The following ECPAS variants were observed in gnomAD, a reference collection of about 807,000 sequenced individuals.
ECPAS encodes the protein Ecm29 proteasome adaptor and scaffold, also known as proteasome adapter and scaffold protein ECM29.
A neutral mutation model predicts 255.1 loss-of-function variants in ECPAS; 70 were observed. The observed-to-expected ratio is 0.27, with a 90% CI of 0.23 to 0.33. ECPAS has a LOEUF of 0.33. ECPAS is among the 10% of genes least tolerant of loss of function. The probability of loss-of-function intolerance (pLI) is 1.00; values close to 1 mark genes in which losing one functional copy is unlikely to be tolerated. For synonymous variants in ECPAS, 784 were observed against 775.0 expected, an observed-to-expected ratio of 1.01 and a Z score of -0.19; for missense variants, 1,817 against 2,206.4, an observed-to-expected ratio of 0.82 and a Z score of 3.54.
chr9:111,480,730 C>T (rs1368950499), intron 1 of ECPAS, among the ~76,000 whole-genome samples: 2 of 152,206 alleles, frequency 1.3e-5, no homozygotes, highest in Non-Finnish European at 1.5e-5. Context: ...TCAACTGCAA[C>T]GTATTCAGTC....
chr9:111,476,574 ATTTTTTTT>A (rs58723893), intron 1 of ECPAS, among the ~76,000 whole-genome samples: 1 of 105,944 alleles, frequency 9.4e-6, no homozygotes, highest in African/African-American at 3.8e-5. Flanking sequence ...TAACATCAGA[ATTTTTTTT>A]TTTTTTTTTT....
At chr9:111,460,099 G>A (rs918038305) in intron 2 of ECPAS, among the ~76,000 whole-genome samples, 2 of 152,038 alleles carry the variant, frequency 1.3e-5, no homozygotes, top group Non-Finnish European at 1.5e-5. Flanking sequence ...CAAATCCAGC[G>A]ATACATAAAA....
intron 2 of ECPAS, among the ~76,000 whole-genome samples, chr9:111,470,139 A>T (rs1049801885): frequency 6.6e-6 from 1 of 151,834 alleles, no homozygotes; most frequent in African/African-American, 2.4e-5. Flanking sequence ...TTTGCTAGTA[A>T]CTCTGCCCAC....
chr9:111,456,123 T>C (rs767319039), intron 2 of ECPAS, among the ~76,000 whole-genome samples: 22 of 152,364 alleles, frequency 1.4e-4, no homozygotes, highest in Non-Finnish European at 3.2e-4. Context: ...GGTGGGTTTT[T>C]AAAATCTTCT....
At chr9:111,400,565 G>A (rs1415908694) in intron 24 of ECPAS, among the ~76,000 whole-genome samples, 1 of 152,094 alleles carries the variant, frequency 6.6e-6, no homozygotes, top group Non-Finnish European at 1.5e-5. Flanking sequence ...AAACTTATAA[G>A]AGAAATTTAG....
chr9:111,431,217 G>T (rs142126595), intron 8 of ECPAS, among the ~76,000 whole-genome samples: 1 of 152,260 alleles, frequency 6.6e-6, no homozygotes, highest in East Asian at 1.9e-4. Flanking sequence ...CAGTCACTAA[G>T]ACTTAATTCT....
Position 111,449,724 on chromosome 9 carries a change from C to T in ECPAS, c.153+1701G>A, listed in dbSNP as rs2131953188. Reference sequence around the variant, plus strand: ...TCCAGGTCTCCACTCTTGGCCCCTACTCCAAGTCTTTCTCCAGCCAACAGC... The same window carrying T: ...TCCAGGTCTCCACTCTTGGCCCCTATTCCAAGTCTTTCTCCAGCCAACAGC... On this transcript the variant is annotated intron_variant, in intron 3 of 49. Coordinates refer to ENST00000684092, the MANE Select transcript of ECPAS (RefSeq NM_001364929.1). Among the ~76,000 whole-genome samples the T allele has an allele frequency of 2.0e-5, 3 of 152,316 alleles. 1 individual carries two copies. In the Middle Eastern group the frequency reaches 0.01, roughly 518 times the overall value.
intron 2 of ECPAS, among the ~76,000 whole-genome samples, chr9:111,468,365 G>A (rs1001734318): frequency 2.0e-5 from 3 of 152,150 alleles, no homozygotes; most frequent in African/African-American, 7.2e-5. Context: ...ACCCTAGACA[G>A]TCCAATGCTC....
At chr9:111,483,886 T>C (rs1361866880) in intron 1 of ECPAS, 1 of 528,332 alleles carries the variant, frequency 1.9e-6, no homozygotes, top group Non-Finnish European at 2.4e-6. Flanking sequence ...CACGCCGGTT[T>C]TATATTTAGA....
intron 10 of ECPAS, among the ~76,000 whole-genome samples, chr9:111,426,101 G>A (rs2098221167): frequency 6.6e-6 from 1 of 152,200 alleles, no homozygotes; most frequent in South Asian, 2.1e-4. Flanking sequence ...ACTGCAGTGG[G>A]TCACCACTCA....
At chr9:111,402,121 T>G (rs1322283234) in intron 24 of ECPAS, among the ~76,000 whole-genome samples, 1 of 152,250 alleles carries the variant, frequency 6.6e-6, no homozygotes, top group Admixed American at 6.5e-5. Context: ...GTTCAGAGAC[T>G]GCAGTAAAGA....
In ECPAS at chr9:111,391,769, T is replaced by G; in HGVS notation, c.3148A>C (p.Lys1050Gln). ...TVVFQGGALG[K>Q]TPDGQGLSTY... ...TAGCATACTTACCCATCTGGTGTTT[T>G]GCCAAGAGCTCCCCCTTGAAATACC... Residue 1050 changes from lysine (K) to glutamine (Q), a missense_variant, in exon 29 of 50, where the codon AAA (lysine) becomes CAA (glutamine). Physicochemically the swap from Lys to Gln is moderately conservative, Grantham distance 53. Around this residue, in one of 4 missense-constraint regions of ECPAS, gnomAD observed 960 missense variants for 1,179.0 expected, o/e 0.81. Transcript: ENST00000684092. The G allele has an allele frequency of 6.2e-7, 1 of 1,606,044 alleles. No individual in the cohort carries two copies. The highest frequency in any genetic ancestry group is 8.5e-7 in the Non-Finnish European group (1 of 1,173,982).
intron 2 of ECPAS, among the ~76,000 whole-genome samples, chr9:111,464,393 G>A (rs2098276760): frequency 1.3e-5 from 2 of 149,156 alleles, no homozygotes. Flanking sequence ...TCGTGTCCCT[G>A]CACTCCAGCA....
chr9:111,418,149 T>G, intron 16 of ECPAS, 143 bp from the exon 17 acceptor site: 1 of 712,966 alleles, frequency 1.4e-6, no homozygotes. Flanking sequence ...CTAAGCAGAG[T>G]CAACATAACA....
Position 111,420,071 on chromosome 9 carries a change from A to C in ECPAS, c.1505T>G (p.Phe502Cys). ...QVAVKFASTV[F>C]PSDHIPSRYL... ...TCTGGAAGGGATATGATCTGAGGGA[A>C]ACACCGTACTGGCAAATTTCACAGC... Residue 502 changes from phenylalanine (F) to cysteine (C), a missense_variant, in exon 16 of 50, where the codon TTT (phenylalanine) becomes TGT (cysteine). Physicochemically the swap from Phe to Cys is radical, Grantham distance 205. Around this residue, in one of 4 missense-constraint regions of ECPAS, gnomAD observed 573 missense variants for 716.2 expected, o/e 0.80. Transcript: ENST00000684092. 1 of 1,613,146 alleles carries C rather than the reference A, an allele frequency of 6.2e-7. No individual in the cohort carries two copies. The highest frequency in any genetic ancestry group is 1.3e-5 in the African/African-American group (1 of 74,934).
At chr9:111,423,409 GAAC>G (rs1237292755) in intron 12 of ECPAS, among the ~76,000 whole-genome samples, 161 bp from the exon 13 acceptor site, 1 of 152,252 alleles carries the variant, frequency 6.6e-6, no homozygotes, top group East Asian at 1.9e-4. Flanking sequence ...GTTAGCACCT[GAAC>G]AACAACAAAA....
At chr9:111,442,521 CAA>C in intron 4 of ECPAS, 97 bp from the exon 5 acceptor site, 1 of 792,370 alleles carries the variant, frequency 1.3e-6, no homozygotes, top group African/African-American at 1.8e-5. Context: ...ATGGTTACAA[CAA>C]AGACATTGTA....
intron 28 of ECPAS, among the ~76,000 whole-genome samples, chr9:111,392,492 C>G (rs2098161664): frequency 1.3e-5 from 2 of 152,190 alleles, no homozygotes; most frequent in Admixed American, 1.3e-4. Context: ...TCTTAACTTC[C>G]ATTTAGCCAA....
intron 15 of ECPAS, 97 bp from the exon 16 acceptor site, chr9:111,420,217 T>G: frequency 2.7e-6 from 2 of 740,616 alleles, no homozygotes; most frequent in Non-Finnish European, 2.3e-6. Flanking sequence ...TGAGTCTTCC[T>G]AACTGTAAAC....
Sources: gnomAD v4.1 joint callset for allele counts (sites outside exome capture counted in the v4.1 genomes callset) on GRCh38, gnomAD v4.1.1 for gene constraint, gnomAD v4.1.1 regional missense constraint, MANE v1.5 for transcripts, NCBI Gene and HGNC (gene_info 2026-07-23, HGNC 2026-07-21) for gene names.